The following CDC25C variants were observed in gnomAD, a reference collection of about 807,000 sequenced individuals.
CDC25C encodes M-phase inducer phosphatase 3.
CDC25C carries 48 observed loss-of-function variants against 52.5 expected under a neutral mutation model. That is an observed-to-expected ratio of 0.91 (90% confidence interval 0.72 to 1.16). CDC25C has a LOEUF of 1.16. Ranked by LOEUF, CDC25C falls within the 50% of genes most tolerant of loss-of-function variation. CDC25C has a pLI of 0.00. For missense variants in CDC25C, 510 were observed against 566.1 expected, an observed-to-expected ratio of 0.90 and a Z score of 1.01; for synonymous variants, 187 against 206.5, an observed-to-expected ratio of 0.91 and a Z score of 0.81.
In CDC25C at chr5:138,327,867, C is replaced by CT. The variant is rs775143862; in HGVS notation, c.335+616dup. On this transcript the variant is annotated intron_variant, in intron 4 of 13. Transcript: ENST00000323760. The stretch of plus-strand genomic sequence containing the variant: ...TTCCAGAGCTTATACTCTGTACTTT[C>CT]TTTTTTTTTTTTTTTCTGAGACGGA... Among the ~76,000 whole-genome samples the CT allele has an allele frequency of 5.9e-3, 837 of 142,440 alleles. 2 individuals carry two copies. The highest frequency in any genetic ancestry group is 7.7e-3 in the Non-Finnish European group (497 of 64,626). 93.4% of individuals were successfully genotyped at this position (142,440 alleles called of 152,430 possible). A position where few individuals can be genotyped will look rare whatever the true frequency, so the allele number is the denominator to read the frequency against.
chr5:138,314,620 T>C (rs999129261), intron 7 of CDC25C, among the ~76,000 whole-genome samples: 1 of 148,058 alleles, frequency 6.8e-6, no homozygotes, highest in African/African-American at 2.5e-5. Flanking sequence ...TTTTTTTTTT[T>C]TTTTTGAGAC....
At chr5:138,313,441 G>C (rs2126765537) in intron 7 of CDC25C, among the ~76,000 whole-genome samples, 1 of 145,980 alleles carries the variant, frequency 6.9e-6, no homozygotes, top group South Asian at 2.1e-4. Context: ...AAATCCTAGA[G>C]ATGGGTAAGT....
In CDC25C at chr5:138,302,699, C is replaced by CA. The variant is rs112207756; in HGVS notation, c.616-10584dup. The stretch of plus-strand genomic sequence containing the variant: ...GAGCAACAAGAGCGAAACTCCATCT[C>CA]AAAAAAAAAAAGTAATTCATCATAT... On this transcript the variant is annotated intron_variant, in intron 7 of 13. Coordinates refer to ENST00000323760, the MANE Select transcript of CDC25C (RefSeq NM_001790.5). Among the ~76,000 whole-genome samples, 686 of 136,702 alleles carry CA rather than the reference C, an allele frequency of 5.0e-3. 5 individuals are homozygous for CA. The highest frequency in any genetic ancestry group is 0.016 in the African/African-American group (587 of 36,754). The allele number at this position is 136,702 out of a possible 152,430, so 89.7% of individuals were successfully genotyped here.
At chr5:138,305,168 AC>A (rs1190707872) in intron 7 of CDC25C, among the ~76,000 whole-genome samples, 1 of 152,128 alleles carries the variant, frequency 6.6e-6, no homozygotes, top group African/African-American at 2.4e-5. Flanking sequence ...AGTGGCCCTA[AC>A]TTAATACCAG....
intron 7 of CDC25C, among the ~76,000 whole-genome samples, chr5:138,302,071 T>G (rs1418323015): frequency 6.6e-6 from 1 of 151,806 alleles, no homozygotes; most frequent in African/African-American, 2.4e-5. Context: ...CTCAGCTCAC[T>G]GCAACCTCTG....
chr5:138,288,399 C>A (rs1756437040), intron 10 of CDC25C, among the ~76,000 whole-genome samples: 1 of 151,520 alleles, frequency 6.6e-6, no homozygotes, highest in Non-Finnish European at 1.5e-5. Context: ...AAAACATATG[C>A]TAGAATAAAA....
At chr5:138,296,028 T>G (rs979808905) in intron 7 of CDC25C, among the ~76,000 whole-genome samples, 1 of 152,190 alleles carries the variant, frequency 6.6e-6, no homozygotes, top group African/African-American at 2.4e-5. Context: ...GCCTACACAC[T>G]CTTGAGTACA....
intron 8 of CDC25C, 143 bp downstream of exon 8, chr5:138,291,827 C>A (rs1756745063): frequency 4.4e-6 from 2 of 455,844 alleles, no homozygotes; most frequent in Admixed American, 3.9e-5. Context: ...GTAGAAAAGA[C>A]AGAAAGATGG....
chr5:138,323,735 T>C (rs1229553650), intron 6 of CDC25C, among the ~76,000 whole-genome samples: 1 of 151,608 alleles, frequency 6.6e-6, no homozygotes, highest in Non-Finnish European at 1.5e-5. Flanking sequence ...CCGAGGTGGG[T>C]GGATCACAAG....
chr5:138,292,082 A>T lies in CDC25C; in HGVS notation c.650T>A (p.Met217Lys). ...TCTTGGCCTGTTCAAGTTCTCTGGC[A>T]TCGACGGGGAGCGATATAGGCCACT... ...SRSGLYRSPS[M>K]PENLNRPRLK... is the part of the protein sequence containing the mutation. Residue 217 changes from methionine to lysine, a missense_variant, in exon 8 of 14, where the codon ATG (methionine) becomes AAG (lysine). Physicochemically the swap from Met to Lys is moderately conservative, Grantham distance 95 (BLOSUM62 -1). Transcript: ENST00000323760. 1 of 1,613,186 alleles carries T rather than the reference A, an allele frequency of 6.2e-7. No individual in the cohort carries two copies. The highest frequency in any genetic ancestry group is 8.5e-7 in the Non-Finnish European group (1 of 1,179,602).
At chr5:138,304,257 C>T (rs1167774426) in intron 7 of CDC25C, among the ~76,000 whole-genome samples, 2 of 151,740 alleles carry the variant, frequency 1.3e-5, no homozygotes, top group Non-Finnish European at 2.9e-5. Flanking sequence ...CAGCCTCAAA[C>T]CCCTGGGCTC....
At chr5:138,307,134 G>A (rs1017120430) in intron 7 of CDC25C, among the ~76,000 whole-genome samples, 2 of 151,536 alleles carry the variant, frequency 1.3e-5, no homozygotes, top group Non-Finnish European at 2.9e-5. Flanking sequence ...ATGAGCCACC[G>A]TGCCCAGCCC....
In CDC25C at chr5:138,319,331, C is replaced by A. The variant is rs1217231624; in HGVS notation, c.503G>T (p.Ser168Ile). The A allele has an allele frequency of 2.5e-6, 4 of 1,613,318 alleles. No homozygotes were observed. The African/African-American group carries it at 5.3e-5, about 22-fold the overall frequency. ...CAATTTTGGAACAGTAGTAATGGGA[C>A]TGCCCAAATATTTCATTTCACTGTC... ...LVDSEMKYLG[S>I]PITTVPKLDK... is the part of the protein sequence containing the mutation. The change falls in exon 7 of 14, where the codon AGT becomes ATT. Residue 168 changes from serine to isoleucine, a missense_variant. Ser to Ile is a moderately radical substitution (Grantham distance 142). Transcript: ENST00000323760.
chr5:138,289,792 A>G (rs1410270743), intron 9 of CDC25C, among the ~76,000 whole-genome samples: 1 of 151,938 alleles, frequency 6.6e-6, no homozygotes, highest in Admixed American at 6.6e-5. Flanking sequence ...AAATATATTC[A>G]TCTTGGTATC....
chr5:138,330,474 T>G (rs890092074), intron 2 of CDC25C, among the ~76,000 whole-genome samples: 10 of 152,190 alleles, frequency 6.6e-5, no homozygotes, highest in Admixed American at 6.5e-5. Context: ...TCTCACAAGA[T>G]CCTAGTAAGA....
rs71574413 is a variant in CDC25C, at chr5:138,329,726, CTTTTTTTTTTTTT to C, written c.195-92_195-80del. On this transcript the variant is annotated intron_variant, in intron 2 of 13. Coordinates refer to ENST00000323760, the MANE Select transcript of CDC25C (RefSeq NM_001790.5). ...AAGTCAAAGATCATGTCATCCTCTT[CTTTTTTTTTTTTT>C]TTTTTTTTTGCAGTGGAGTCTTGCT... 6.1e-5 allele frequency: 18 copies of C among 293,698 alleles called. 1 individual carries two copies. Among genetic ancestry groups the C allele is most frequent in the Middle Eastern group, 1.1e-3 (1 of 902 alleles). 18.2% of individuals were successfully genotyped at this position (293,698 alleles called of 1,614,324 possible). A position where few individuals can be genotyped will look rare whatever the true frequency, so the allele number is the denominator to read the frequency against.
At chr5:138,328,103 C>T (rs1273625664) in intron 4 of CDC25C, among the ~76,000 whole-genome samples, 1 of 152,182 alleles carries the variant, frequency 6.6e-6, no homozygotes, top group East Asian at 1.9e-4. Context: ...CTGACCTCAA[C>T]TGATCCGCCT....
chr5:138,337,899 G>T, intron 1 of CDC25C: 1 of 1,215,076 alleles, frequency 8.2e-7, no homozygotes, highest in Admixed American at 2.5e-5. Context: ...GAACCGAGTG[G>T]GAGGCTGCAG....
exon 1 of CDC25C, chr5:138,338,239 G>A: frequency 8.5e-7 from 1 of 1,175,266 alleles, no homozygotes; most frequent in South Asian, 1.3e-5. Flanking sequence ...CGCCTTTTAA[G>A]GGCACCGTGG....
Sources: allele counts gnomAD v4.1 joint callset (sites outside exome capture counted in the v4.1 genomes callset), GRCh38; gene constraint gnomAD v4.1.1; transcripts MANE v1.5; gene names NCBI Gene and HGNC (gene_info 2026-07-23, HGNC 2026-07-21).